The following FGL1 variants were observed in gnomAD, a reference collection of about 807,000 sequenced individuals.
The protein encoded by FGL1 is fibrinogen like 1.
Under a neutral mutation model 43.7 loss-of-function variants are expected in FGL1, and 59 were observed. The observed-to-expected ratio is 1.35, with a 90% CI of 1.10 to 1.68. The LOEUF (loss-of-function observed/expected upper bound fraction) is 1.68. Among genes scored for constraint, FGL1 ranks in the 40% most tolerant of loss-of-function variants. The pLI is 0.00. For synonymous variants in FGL1, 192 were observed against 126.5 expected, an observed-to-expected ratio of 1.52 and a Z score of -3.48; for missense variants, 596 against 373.0, an observed-to-expected ratio of 1.60 and a Z score of -4.92.
chr8:17,881,533 T>C (rs184601942), intron 3 of FGL1, among the ~76,000 whole-genome samples: 7 of 150,640 alleles, frequency 4.6e-5, no homozygotes, highest in African/African-American at 9.7e-5. Context: ...CTGGCAGAGA[T>C]AGAAAAAAGT....
Position 17,874,025 on chromosome 8 carries a change from T to A in FGL1, c.496A>T (p.Thr166Ser), listed in dbSNP as rs774713490. 6.3e-7 allele frequency: 1 copy of A among 1,597,752 alleles called. No homozygotes were observed. Among genetic ancestry groups the A allele is most frequent in the Non-Finnish European group, 8.5e-7 (1 of 1,174,600 alleles). The change falls in exon 5 of 8, where the codon ACT becomes TCT. Residue 166 changes from threonine (T) to serine (S), a missense_variant. Thr to Ser is a moderately conservative substitution (Grantham distance 58). Transcript: ENST00000427924. ...LGNKNLHFLT[T>S]QEDYTLKIDL... The stretch of plus-strand genomic sequence containing the variant: ...GACATCATTCAAACCTTACCTTGAG[T>A]GGTCAAGAAGTGAAGATTTTTATTG...
chr8:17,880,316 C>A (rs901380267), intron 3 of FGL1, among the ~76,000 whole-genome samples: 2 of 152,194 alleles, frequency 1.3e-5, no homozygotes, highest in African/African-American at 4.8e-5. Flanking sequence ...TTTTAAGAGT[C>A]TCATGCGCTA....
chr8:17,888,964 TA>T (rs2131744238), intron 1 of FGL1, among the ~76,000 whole-genome samples: 1 of 152,284 alleles, frequency 6.6e-6, no homozygotes, highest in Non-Finnish European at 1.5e-5. Flanking sequence ...TTCTTCACAA[TA>T]AGAGAATAAT....
In FGL1 at chr8:17,882,191, G is replaced by A. The variant is rs1356814358; in HGVS notation, c.64-12C>T. The A allele has an allele frequency of 1.2e-6, 2 of 1,610,602 alleles. No individual in the cohort carries two copies. The highest frequency in any genetic ancestry group is 2.2e-5 in the East Asian group (1 of 44,832). On this transcript the variant is annotated splice_polypyrimidine_tract_variant and intron_variant, in intron 2 of 7. Coordinates refer to ENST00000427924, the MANE Select transcript of FGL1 (RefSeq NM_004467.4). Reference sequence around the variant, plus strand: ...CAGTCCTCGAGCGCCTGCAAAACAGGTGAGATGAGATGAGTATGCACCTCA... The same window carrying A: ...CAGTCCTCGAGCGCCTGCAAAACAGATGAGATGAGATGAGTATGCACCTCA...
At chr8:17,868,397 C>T in intron 7 of FGL1, 151 bp downstream of exon 7, 1 of 538,734 alleles carries the variant, frequency 1.9e-6, no homozygotes, top group Non-Finnish European at 2.9e-6. Flanking sequence ...AAAACGACTT[C>T]ATTGCTGAAG....
intron 3 of FGL1, among the ~76,000 whole-genome samples, chr8:17,879,699 C>G (rs560716197): frequency 5.4e-4 from 82 of 151,788 alleles, no homozygotes; most frequent in African/African-American, 1.8e-3. Context: ...GCTTCCTTTA[C>G]AGCCTGCAGA....
At chr8:17,880,763 G>A (rs974260236) in intron 3 of FGL1, among the ~76,000 whole-genome samples, 3 of 152,082 alleles carry the variant, frequency 2.0e-5, no homozygotes, top group Admixed American at 6.6e-5. Flanking sequence ...TCTGACAATC[G>A]TCGTTTACTC....
Position 17,868,531 on chromosome 8 carries a change from C to G in FGL1, c.779+17G>C. ...TATCATCAACTCCATTACAACTATG[C>G]TCATAAGACATCAAACCTGTTAAAC... On this transcript the variant is annotated intron_variant, in intron 7 of 7. Transcript: ENST00000427924. 1 of 1,599,762 alleles carries G rather than the reference C, an allele frequency of 6.3e-7. No individual in the cohort carries two copies. The highest frequency in any genetic ancestry group is 1.3e-5 in the African/African-American group (1 of 74,652).
chr8:17,867,800 G>T (rs940401781), intron 7 of FGL1, among the ~76,000 whole-genome samples: 1 of 152,168 alleles, frequency 6.6e-6, no homozygotes, highest in African/African-American at 2.4e-5. Context: ...GAATTCGGCA[G>T]GGTGCGGTGG....
chr8:17,881,939 T>G lies in FGL1; in HGVS notation c.244+60A>C. 2.9e-6 allele frequency: 4 copies of G among 1,362,990 alleles called. 1 individual carries two copies. The South Asian group carries it at 4.0e-5, about 14-fold the overall frequency. 84.4% of individuals were successfully genotyped at this position (1,362,990 alleles called of 1,614,324 possible). On this transcript the variant is annotated intron_variant, in intron 3 of 7. Transcript: ENST00000427924. Reference sequence around the variant, plus strand: ...GAAAAGCCTGAAATAACTAGCACCATCACTGTACATGGGTGCATAATGTAA... The same window carrying G: ...GAAAAGCCTGAAATAACTAGCACCAGCACTGTACATGGGTGCATAATGTAA...
chr8:17,875,690 C>T (rs968400446), intron 3 of FGL1, among the ~76,000 whole-genome samples: 1 of 151,726 alleles, frequency 6.6e-6, no homozygotes, highest in Non-Finnish European at 1.5e-5. Context: ...CTACAACCTC[C>T]GCCTCCCGGG....
At chr8:17,883,692 T>TA (rs1464238771) in intron 2 of FGL1, among the ~76,000 whole-genome samples, 27 of 144,286 alleles carry the variant, frequency 1.9e-4, no homozygotes, top group African/African-American at 6.3e-4. Flanking sequence ...ATATATATTT[T>TA]TTATATATAT....
chr8:17,879,120 G>T (rs140175614), intron 3 of FGL1, among the ~76,000 whole-genome samples: 1 of 150,060 alleles, frequency 6.7e-6, no homozygotes, highest in East Asian at 2.0e-4. Context: ...TGATTTTTTT[G>T]GCTTTTATAT....
At chr8:17,864,815 C>G (rs2053245833) in intron 7 of FGL1, 64 bp from the exon 8 acceptor site, 3 of 1,282,964 alleles carry the variant, frequency 2.3e-6, no homozygotes, top group East Asian at 5.7e-5. Flanking sequence ...TTCAGAATCC[C>G]TTTTATTTTG....
chr8:17,870,381 A>G (rs2053340270), intron 5 of FGL1, among the ~76,000 whole-genome samples: 1 of 152,164 alleles, frequency 6.6e-6, no homozygotes, highest in African/African-American at 2.4e-5. Flanking sequence ...GGGGCACCAA[A>G]TGTTATAAAT....
Position 17,877,230 on chromosome 8 carries a change from GT to G in FGL1, c.245-2710del, listed in dbSNP as rs990463784. On this transcript the variant is annotated intron_variant, in intron 3 of 7. Coordinates refer to ENST00000427924, the MANE Select transcript of FGL1 (RefSeq NM_004467.4). ...GTTAAAGAGCTTTGTGTTCATGGGA[GT>G]TTTTTTTTTAAAAAAGAAAAAGAAT... Among the ~76,000 whole-genome samples the G allele has an allele frequency of 2.6e-3, 388 of 149,996 alleles. 1 individual carries two copies. The highest frequency in any genetic ancestry group is 8.7e-3 in the African/African-American group (356 of 40,996).
At chr8:17,890,358 ACCT>A (rs1444435498) in intron 1 of FGL1, among the ~76,000 whole-genome samples, 1 of 152,052 alleles carries the variant, frequency 6.6e-6, no homozygotes, top group Non-Finnish European at 1.5e-5. Context: ...GTGAGCATCC[ACCT>A]CCTCAACACA....
intron 5 of FGL1, among the ~76,000 whole-genome samples, chr8:17,871,088 C>A (rs1019524592): frequency 6.6e-6 from 1 of 152,028 alleles, no homozygotes; most frequent in Non-Finnish European, 1.5e-5. Flanking sequence ...TGATTTAGCA[C>A]CACAATTTCC....
rs531213809 is a variant in FGL1 at position 17,882,519 on chromosome 8, T to C, written c.64-340A>G. The C allele has an allele frequency of 9.7e-4, 168 of 173,128 alleles. 2 individuals carry two copies. Among genetic ancestry groups the C allele is most frequent in the African/African-American group, 3.7e-3 (157 of 41,938 alleles). The allele number at this position is 173,128 out of a possible 1,614,324, so 10.7% of individuals were successfully genotyped here. ...TTGATGCCCAGTGGGTAAGCGGAGG[T>C]GGGATTCAAATTCAGTTCAAGGACT... is the stretch of plus-strand genomic sequence containing the variant. On this transcript the variant is annotated intron_variant, in intron 2 of 7. Coordinates refer to ENST00000427924, the MANE Select transcript of FGL1 (RefSeq NM_004467.4).
Sources: gnomAD v4.1 joint callset for allele counts (sites outside exome capture counted in the v4.1 genomes callset) on GRCh38, gnomAD v4.1.1 for gene constraint, MANE v1.5 for transcripts, NCBI Gene and HGNC (gene_info 2026-07-23, HGNC 2026-07-21) for gene names.